Variants in PEX7 observed in about 807,000 individuals in gnomAD.
PEX7 encodes peroxisomal biogenesis factor 7, also known as PTS2 receptor.
PEX7 carries 34 observed loss-of-function variants against 47.5 expected under a neutral mutation model. That is an observed-to-expected ratio of 0.72 (90% CI 0.54 to 0.95). PEX7 has a LOEUF of 0.95. Among genes scored for constraint, PEX7 ranks in the 40% least tolerant of loss-of-function variants. The pLI is 0.00. For missense variants in PEX7, 394 were observed against 400.3 expected (o/e 0.98, Z 0.13); for synonymous variants, 141 against 148.8 (o/e 0.95, Z 0.38).
chr6:136,847,899 G>T (rs1227240322), intron 5 of PEX7, among the ~76,000 whole-genome samples: 1 of 152,212 alleles, frequency 6.6e-6, no homozygotes, highest in African/African-American at 2.4e-5. Context: ...TTGGCAGCTT[G>T]ATGGGGATGG....
intron 9 of PEX7, among the ~76,000 whole-genome samples, chr6:136,908,138 G>C (rs536972688): frequency 1.3e-5 from 2 of 151,992 alleles, no homozygotes; most frequent in Non-Finnish European, 2.9e-5. Flanking sequence ...AAATTAATAG[G>C]CTTTATTGAC....
chr6:136,878,224 TA>T (rs1322062357), intron 8 of PEX7, among the ~76,000 whole-genome samples: 1 of 152,236 alleles, frequency 6.6e-6, no homozygotes, highest in Non-Finnish European at 1.5e-5. Flanking sequence ...TGGGGCTTTC[TA>T]AGTATACAAT....
intron 5 of PEX7, among the ~76,000 whole-genome samples, chr6:136,854,015 C>T (rs1774809604): frequency 6.6e-6 from 1 of 151,770 alleles, no homozygotes; most frequent in South Asian, 2.1e-4. Flanking sequence ...ATTTTTTCTT[C>T]TTATGTTGCC....
chr6:136,862,221 C>T (rs1271899788), intron 5 of PEX7, among the ~76,000 whole-genome samples: 1 of 151,194 alleles, frequency 6.6e-6, no homozygotes, highest in Non-Finnish European at 1.5e-5. Context: ...CGTGTGCCAC[C>T]ATGCCTGGCT....
At chr6:136,837,378 A>G (rs1774409362) in intron 3 of PEX7, among the ~76,000 whole-genome samples, 1 of 151,514 alleles carries the variant, frequency 6.6e-6, no homozygotes, top group African/African-American at 2.4e-5. Flanking sequence ...AAAAAAAAGA[A>G]ACTGAAAGTT....
chr6:136,859,690 T>C (rs1253142637), intron 5 of PEX7, among the ~76,000 whole-genome samples: 1 of 152,116 alleles, frequency 6.6e-6, no homozygotes, highest in Non-Finnish European at 1.5e-5. Context: ...TTAGACATAG[T>C]AACAGCCAGC....
At chr6:136,861,860 T>TTA (rs1460782710) in intron 5 of PEX7, among the ~76,000 whole-genome samples, 11 of 147,834 alleles carry the variant, frequency 7.4e-5, no homozygotes, top group South Asian at 4.2e-4. Flanking sequence ...GCTCCTGAAT[T>TTA]TATATATATA....
chr6:136,877,643 T>C (rs1012625733), intron 8 of PEX7, among the ~76,000 whole-genome samples: 9 of 152,216 alleles, frequency 5.9e-5, no homozygotes, highest in African/African-American at 2.2e-4. Context: ...GCATTATTTC[T>C]GAGGCCTCCT....
chr6:136,892,900 T>A (rs943290212), intron 8 of PEX7, among the ~76,000 whole-genome samples: 4 of 152,154 alleles, frequency 2.6e-5, no homozygotes, highest in Non-Finnish European at 5.9e-5. Flanking sequence ...GTACCTTAAG[T>A]CCAAGCTGCT....
chr6:136,858,012 C>T (rs1332455918), intron 5 of PEX7, among the ~76,000 whole-genome samples: 1 of 152,148 alleles, frequency 6.6e-6, no homozygotes, highest in Non-Finnish European at 1.5e-5. Flanking sequence ...GACAGGGTTT[C>T]ACCATGTTGC....
intron 5 of PEX7, among the ~76,000 whole-genome samples, chr6:136,858,999 A>T (rs1774911478): frequency 6.6e-6 from 1 of 152,256 alleles, no homozygotes; most frequent in Non-Finnish European, 1.5e-5. Context: ...AGCTTATGTG[A>T]TAGGCAGTCA....
chr6:136,852,098 A>T (rs1210125263), intron 5 of PEX7, among the ~76,000 whole-genome samples: 9 of 125,642 alleles, frequency 7.2e-5, no homozygotes, highest in South Asian at 2.8e-4. Context: ...CTGAATGGTA[A>T]TGCCTAGGTT....
At chr6:136,822,926 A>G (rs1037716293) in intron 1 of PEX7, 131 bp downstream of exon 1, 12 of 1,210,330 alleles carry the variant, frequency 9.9e-6, no homozygotes, top group Middle Eastern at 3.2e-4. Context: ...GCCAGGGGGC[A>G]GAAGAGGCGC....
At chr6:136,895,045 G>C (rs1204047336) in intron 8 of PEX7, among the ~76,000 whole-genome samples, 2 of 152,120 alleles carry the variant, frequency 1.3e-5, no homozygotes, top group Non-Finnish European at 2.9e-5. Context: ...AGGTTGCAAG[G>C]AGAGACCATG....
At chr6:136,871,885 A>T (rs1342397218) in intron 7 of PEX7, among the ~76,000 whole-genome samples, 1 of 152,194 alleles carries the variant, frequency 6.6e-6, no homozygotes, top group African/African-American at 2.4e-5. Flanking sequence ...TTGGATAGCC[A>T]ATATGAAATT....
At chr6:136,884,839 T>G (rs559586662) in intron 8 of PEX7, among the ~76,000 whole-genome samples, 3 of 152,190 alleles carry the variant, frequency 2.0e-5, no homozygotes, top group Non-Finnish European at 4.4e-5. Context: ...GACAATATAG[T>G]CTATCAAAAT....
chr6:136,863,337 T>G (rs974771180), intron 5 of PEX7, among the ~76,000 whole-genome samples: 2 of 152,126 alleles, frequency 1.3e-5, no homozygotes, highest in Non-Finnish European at 2.9e-5. Context: ...CATCCTTAGC[T>G]AGGTCCAAAA....
At chr6:136,869,248 AT>A (rs553783176) in intron 6 of PEX7, among the ~76,000 whole-genome samples, 25 of 148,062 alleles carry the variant, frequency 1.7e-4, no homozygotes, top group African/African-American at 4.0e-4. Context: ...TTAAATTTTT[AT>A]TTTTTTTTTA....
At chr6:136,889,127 A>G (rs901088254) in intron 8 of PEX7, among the ~76,000 whole-genome samples, 1 of 152,182 alleles carries the variant, frequency 6.6e-6, no homozygotes, top group Non-Finnish European at 1.5e-5. Flanking sequence ...GTTTGTTGAT[A>G]TGTTCATTTT....
Sources: allele counts gnomAD v4.1 joint callset (sites outside exome capture counted in the v4.1 genomes callset), GRCh38; gene constraint gnomAD v4.1.1; transcripts MANE v1.5; gene names NCBI Gene and HGNC (gene_info 2026-07-23, HGNC 2026-07-21).